Variants in TOM1 observed in about 807,000 individuals in gnomAD.
TOM1 encodes the protein target of myb1 membrane trafficking protein, also known as target of Myb protein 1.
In TOM1, 38 loss-of-function variants were observed where a neutral mutation model predicts 61.3. The ratio of observed to expected loss-of-function variants is 0.62; its 90% confidence interval spans 0.48 to 0.81. TOM1 has a LOEUF of 0.81. Among genes scored for constraint, TOM1 ranks in the 40% least tolerant of loss-of-function variants. TOM1 has a pLI of 0.00. For missense variants in TOM1, 591 were observed against 659.6 expected, an observed-to-expected ratio of 0.90 and a Z score of 1.14; for synonymous variants, 270 against 268.8, an observed-to-expected ratio of 1.00 and a Z score of -0.04.
chr22:35,313,698 A>G (rs756045190), intron 1 of TOM1, among the ~76,000 whole-genome samples: 5 of 152,244 alleles, frequency 3.3e-5, no homozygotes, highest in Non-Finnish European at 5.9e-5. Context: ...CATGCCAGGC[A>G]GATTATCTGG....
rs375597002 is a variant in TOM1 at position 35,314,809 on chromosome 22, G to A, written c.53-3068G>A. Among the ~76,000 whole-genome samples, 55 of 152,350 alleles carry A rather than the reference G, an allele frequency of 3.6e-4. 1 individual carries two copies. The highest frequency in any genetic ancestry group is 1.4e-3 in the South Asian group (7 of 4,830). On this transcript the variant is annotated intron_variant, in intron 1 of 14. Coordinates refer to ENST00000449058, the MANE Select transcript of TOM1 (RefSeq NM_005488.3). ...AAGCCTCAGGCACCTGCGCCACAGC[G>A]TCAGCGGCTGCCCCGCCCTTACCTC...
At chr22:35,314,598 A>G (rs548782460) in intron 1 of TOM1, among the ~76,000 whole-genome samples, 1 of 152,244 alleles carries the variant, frequency 6.6e-6, no homozygotes, top group African/African-American at 2.4e-5. Flanking sequence ...TCCCTCCTCC[A>G]GGAGATGAGA....
chr22:35,338,663 T>C, intron 11 of TOM1, 50 bp from the exon 12 acceptor site: 1 of 1,456,742 alleles, frequency 6.9e-7, no homozygotes, highest in Non-Finnish European at 9.2e-7. Flanking sequence ...CGTTCTTGCA[T>C]CAGCCATCGG....
chr22:35,338,635 G>C, intron 11 of TOM1, 78 bp from the exon 12 acceptor site: 7 of 1,214,214 alleles, frequency 5.8e-6, no homozygotes, highest in Non-Finnish European at 7.8e-6. Context: ...CCGTCAATCT[G>C]TGCCCCCCAG....
chr22:35,317,440 A>G (rs1927390875), intron 1 of TOM1, among the ~76,000 whole-genome samples: 1 of 152,086 alleles, frequency 6.6e-6, no homozygotes, highest in Non-Finnish European at 1.5e-5. Context: ...CACCCACCTC[A>G]GCCTCCCAAA....
At chr22:35,343,526 CCA>C (rs548377099) in intron 12 of TOM1, among the ~76,000 whole-genome samples, 103 of 146,200 alleles carry the variant, frequency 7.0e-4, no homozygotes, top group South Asian at 6.4e-3. Context: ...CCTACACACA[CCA>C]CACACACATC....
At chr22:35,339,707 A>G (rs944332920) in intron 12 of TOM1, among the ~76,000 whole-genome samples, 8 of 151,952 alleles carry the variant, frequency 5.3e-5, no homozygotes, top group African/African-American at 1.7e-4. Flanking sequence ...GATCGAGACC[A>G]TCCCGGCTAA....
rs547901228 is a variant in TOM1 at position 35,346,837 on chromosome 22, G to C, written c.1285-93G>C. ...GCCTGAGCTGGGACCCAGTGCTGAG[G>C]TTCAGCGGGGCCCGAGCTGCAGCAC... On this transcript the variant is annotated intron_variant, in intron 13 of 14. Coordinates refer to ENST00000449058, the MANE Select transcript of TOM1 (RefSeq NM_005488.3). 84 of 1,247,022 alleles carry C rather than the reference G, an allele frequency of 6.7e-5. No individual in the cohort carries two copies. The East Asian group carries it at 1.9e-3, about 29-fold the overall frequency. The allele number at this position is 1,247,022 out of a possible 1,614,324, so 77.2% of individuals were successfully genotyped here. A position where few individuals can be genotyped will look rare whatever the true frequency, so the allele number is the denominator to read the frequency against.
At chr22:35,330,271 C>T (rs543776032) in intron 7 of TOM1, 76 bp from the exon 8 acceptor site, 12 of 1,466,658 alleles carry the variant, frequency 8.2e-6, no homozygotes, top group African/African-American at 5.7e-5. Flanking sequence ...GACAGAGCTC[C>T]GTCTCACAAA....
rs1930596884 is a variant in TOM1 at position 35,347,333 on chromosome 22, C to G, written c.*124C>G. 1 of 1,060,044 alleles carries G rather than the reference C, an allele frequency of 9.4e-7. No homozygotes were observed. Among genetic ancestry groups the G allele is most frequent in the Non-Finnish European group, 1.3e-6 (1 of 757,930 alleles). 65.7% of individuals were successfully genotyped at this position (1,060,044 alleles called of 1,614,324 possible). A position where few individuals can be genotyped will look rare whatever the true frequency, so the allele number is the denominator to read the frequency against. ...TGGCTTGTTACCCCCTTTTCCTCCTCTTTGAAGACGGAGCTGCCCCAGCTG... is the reference window on the plus strand; with the variant it reads ...TGGCTTGTTACCCCCTTTTCCTCCTGTTTGAAGACGGAGCTGCCCCAGCTG... On this transcript the variant is annotated 3_prime_UTR_variant, in exon 15 of 15. Transcript: ENST00000449058.
At position 35,347,092 on chromosome 22, in the gene TOM1, G is replaced by A. The variant is rs370418030; in HGVS notation, c.1362G>A (p.Ala454=). 5.9e-5 allele frequency: 95 copies of A among 1,613,254 alleles called. No homozygotes were observed. The highest frequency in any genetic ancestry group is 4.9e-4 in the African/African-American group (37 of 74,874). Residue 454 remains alanine (A), a synonymous_variant, in exon 15 of 15, where the codon GCG becomes GCA. Coordinates refer to ENST00000449058, the MANE Select transcript of TOM1 (RefSeq NM_005488.3). ...DKFLEERAKA[A]DRLPNLSSPS... The stretch of plus-strand genomic sequence containing the variant: ...TCCTGGAAGAACGGGCCAAAGCCGC[G>A]GACCGATTGCCCAACCTCTCCAGCC...
chr22:35,330,272 G>A (rs1400881193), intron 7 of TOM1, 75 bp from the exon 8 acceptor site: 17 of 1,476,224 alleles, frequency 1.2e-5, no homozygotes, highest in South Asian at 2.6e-5. Context: ...ACAGAGCTCC[G>A]TCTCACAAAA....
chr22:35,343,565 AC>A (rs1930183406), intron 12 of TOM1, among the ~76,000 whole-genome samples: 1 of 105,030 alleles, frequency 9.5e-6, no homozygotes. Context: ...ACCTACACAC[AC>A]CACACCTACA....
chr22:35,326,371 CCT>C (rs764612464), intron 6 of TOM1, among the ~76,000 whole-genome samples: 29 of 152,226 alleles, frequency 1.9e-4, no homozygotes, highest in Non-Finnish European at 3.4e-4. Context: ...AGCATAAGAT[CCT>C]TATACCAATG....
At chr22:35,299,827 A>G, upstream of TOM1, 1 of 1,353,404 alleles carries the variant, frequency 7.4e-7, no homozygotes, top group East Asian at 2.6e-5. Context: ...CGCCCCGCCC[A>G]CGCCTCCTCG....
intron 12 of TOM1, 34 bp downstream of exon 12, chr22:35,338,822 C>T (rs371177891): frequency 4.1e-5 from 63 of 1,534,470 alleles, no homozygotes; most frequent in Admixed American, 1.5e-4. Flanking sequence ...ACCCTGGGGC[C>T]CTCCTGAAGG....
intron 12 of TOM1, among the ~76,000 whole-genome samples, chr22:35,341,495 C>T (rs1247687679): frequency 6.6e-6 from 1 of 152,148 alleles, no homozygotes; most frequent in South Asian, 2.1e-4. Flanking sequence ...CCTCCTCAGC[C>T]TCAGGCTTCC....
At chr22:35,333,353 G>T in intron 9 of TOM1, 51 bp from the exon 10 acceptor site, 1 of 1,553,498 alleles carries the variant, frequency 6.4e-7, no homozygotes, top group Non-Finnish European at 8.9e-7. Context: ...GGGCAGAAAG[G>T]AACGAAGCTG....
chr22:35,335,608 C>G (rs1929242064), intron 11 of TOM1: 1 of 154,580 alleles, frequency 6.5e-6, no homozygotes, highest in South Asian at 2.0e-4. Flanking sequence ...CTGGAGAACC[C>G]TGGCGCCTGC....
Sources: allele counts gnomAD v4.1 joint callset (sites outside exome capture counted in the v4.1 genomes callset), GRCh38; gene constraint gnomAD v4.1.1; transcripts MANE v1.5; gene names NCBI Gene and HGNC (gene_info 2026-07-23, HGNC 2026-07-21).